Variants in PABPC4L observed in about 807,000 individuals in gnomAD.
The protein encoded by PABPC4L is poly(A) binding protein cytoplasmic 4 like, also known as polyadenylate-binding protein 4-like.
For synonymous variants in PABPC4L, 169 were observed against 164.1 expected, an observed-to-expected ratio of 1.03 and a Z score of -0.23; for missense variants, 452 against 451.4, an observed-to-expected ratio of 1.00 and a Z score of -0.01.
At chr4:134,119,767 C>T in the PABPC4L span, among the ~76,000 whole-genome samples, 1 of 151,582 alleles carries the variant, frequency 6.6e-6, no homozygotes, top group African/African-American at 2.4e-5. Flanking sequence ...CTTCTGTCTC[C>T]AGAGATTAAT....
the PABPC4L span, among the ~76,000 whole-genome samples, chr4:133,961,848 C>T: frequency 5.5e-4 from 83 of 152,154 alleles, no homozygotes; most frequent in African/African-American, 1.9e-3. Flanking sequence ...AGAGGCTCAC[C>T]ATTGTTCCTG....
the PABPC4L span, among the ~76,000 whole-genome samples, chr4:134,184,654 C>T: frequency 6.6e-6 from 1 of 151,976 alleles, no homozygotes; most frequent in Non-Finnish European, 1.5e-5. Context: ...CATTCACCTA[C>T]TGAAGGGCAC....
chr4:134,039,661 T>C, the PABPC4L span, among the ~76,000 whole-genome samples: 1 of 152,140 alleles, frequency 6.6e-6, no homozygotes, highest in African/African-American at 2.4e-5. Context: ...TTTTTTTGCT[T>C]TCTATTTGCT....
the PABPC4L span, among the ~76,000 whole-genome samples, chr4:134,009,554 T>C: frequency 6.6e-6 from 1 of 152,030 alleles, no homozygotes; most frequent in African/African-American, 2.4e-5. Flanking sequence ...TAATCACTGT[T>C]CTGCAATTTC....
the PABPC4L span, among the ~76,000 whole-genome samples, chr4:133,970,977 G>C: frequency 6.6e-6 from 1 of 151,992 alleles, no homozygotes; most frequent in East Asian, 1.9e-4. Flanking sequence ...TTTTGTTATA[G>C]TAGCCCAAAC....
chr4:134,201,111 A>C lies in PABPC4L; in HGVS notation c.-92T>G. 2 of 1,550,554 alleles carry C rather than the reference A, an allele frequency of 1.3e-6. No homozygotes were observed. The highest frequency in any genetic ancestry group is 1.7e-6 in the Non-Finnish European group (2 of 1,146,804). ...TAGGTCACAGCTTTGGCCCGGTTCA[A>C]GTGTGGAGGCCTCGGGATCACCACA... On this transcript the variant is annotated 5_prime_UTR_variant, in exon 2 of 2. Coordinates refer to ENST00000421491, the MANE Select transcript of PABPC4L (RefSeq NM_001114734.2).
the PABPC4L span, among the ~76,000 whole-genome samples, chr4:134,162,474 A>C: frequency 5.3e-5 from 8 of 152,120 alleles, no homozygotes; most frequent in Admixed American, 3.3e-4. Context: ...GAACGTCAAC[A>C]AAGAAACACT....
chr4:134,031,277 A>G, the PABPC4L span, among the ~76,000 whole-genome samples: 1 of 151,742 alleles, frequency 6.6e-6, no homozygotes, highest in Non-Finnish European at 1.5e-5. Context: ...GTTTTTCTAC[A>G]TTTTTTTCCT....
chr4:134,122,923 C>T, the PABPC4L span, among the ~76,000 whole-genome samples: 1 of 151,690 alleles, frequency 6.6e-6, no homozygotes, highest in Non-Finnish European at 1.5e-5. Context: ...CAAATATTTA[C>T]TCAGATAGTG....
the PABPC4L span, among the ~76,000 whole-genome samples, chr4:134,065,051 G>C: frequency 6.6e-6 from 1 of 151,954 alleles, no homozygotes; most frequent in Non-Finnish European, 1.5e-5. Context: ...GTGCAGTGAT[G>C]AACATGAGTT....
chr4:133,962,462 G>A, the PABPC4L span, among the ~76,000 whole-genome samples: 377 of 152,200 alleles, frequency 2.5e-3, 2 homozygotes, highest in African/African-American at 8.5e-3. Context: ...AGGAGACATC[G>A]GACACATTTA....
the PABPC4L span, among the ~76,000 whole-genome samples, chr4:133,967,226 G>A: frequency 6.6e-6 from 1 of 152,026 alleles, no homozygotes; most frequent in African/African-American, 2.4e-5. Context: ...AATCCCAGCA[G>A]TTTGGAGGCC....
At chr4:134,160,807 A>G in the PABPC4L span, among the ~76,000 whole-genome samples, 1 of 152,134 alleles carries the variant, frequency 6.6e-6, no homozygotes, top group East Asian at 1.9e-4. Context: ...GAGGCTGGAC[A>G]GAGTGAGACC....
the PABPC4L span, among the ~76,000 whole-genome samples, chr4:134,118,543 T>C: frequency 6.6e-6 from 1 of 151,866 alleles, no homozygotes; most frequent in Non-Finnish European, 1.5e-5. Context: ...TTTTATCCTG[T>C]TTGATTGACA....
At chr4:134,079,067 G>C in the PABPC4L span, among the ~76,000 whole-genome samples, 1 of 144,012 alleles carries the variant, frequency 6.9e-6, no homozygotes, top group Non-Finnish European at 1.5e-5. Flanking sequence ...CGCCTCCTGT[G>C]TTCAAGCGAT....
At chr4:134,036,803 C>G in the PABPC4L span, among the ~76,000 whole-genome samples, 4 of 151,954 alleles carry the variant, frequency 2.6e-5, no homozygotes, top group Non-Finnish European at 5.9e-5. Context: ...TGCCTGTAAT[C>G]CTAGCATTTT....
At chr4:134,201,272 A>T (rs1729872812) in intron 1 of PABPC4L, 27 bp from the exon 2 acceptor site, 2 of 1,474,594 alleles carry the variant, frequency 1.4e-6, no homozygotes, top group African/African-American at 2.8e-5. Flanking sequence ...AGAGATTATT[A>T]GGACAAGACG....
At chr4:134,120,959 T>G in the PABPC4L span, among the ~76,000 whole-genome samples, 1 of 151,418 alleles carries the variant, frequency 6.6e-6, no homozygotes, top group Non-Finnish European at 1.5e-5. Flanking sequence ...CTTTTTCACA[T>G]TTCTAAATGT....
the PABPC4L span, among the ~76,000 whole-genome samples, chr4:134,017,617 A>G: frequency 1.6e-4 from 25 of 151,992 alleles, no homozygotes; most frequent in African/African-American, 5.8e-4. Flanking sequence ...CTCCTTAAGC[A>G]CTCTCTAATT....
Sources: allele counts gnomAD v4.1 joint callset (sites outside exome capture counted in the v4.1 genomes callset), GRCh38; gene constraint gnomAD v4.1.1; transcripts MANE v1.5; gene names NCBI Gene and HGNC (gene_info 2026-07-23, HGNC 2026-07-21).